The following TXNDC5 variants were observed in gnomAD, a reference collection of about 807,000 sequenced individuals.
TXNDC5 encodes the protein thioredoxin domain-containing protein 5.
A neutral mutation model predicts 52.6 loss-of-function variants in TXNDC5; 44 were observed. That is an observed-to-expected ratio of 0.84 (90% CI 0.66 to 1.08). The LOEUF (loss-of-function observed/expected upper bound fraction) is 1.08. TXNDC5 is among the 50% of genes least tolerant of loss of function. TXNDC5 has a pLI of 0.00. For synonymous variants in TXNDC5, 241 were observed against 234.4 expected (o/e 1.03, Z -0.26); for missense variants, 600 against 565.5 (o/e 1.06, Z -0.62).
chr6:7,910,197 A>G, intron 1 of TXNDC5: 1 of 960,464 alleles, frequency 1.0e-6, no homozygotes, highest in Non-Finnish European at 1.2e-6. Context: ...CGCTGAGCTC[A>G]CGCCTCCCGA....
intron 3 of TXNDC5, among the ~76,000 whole-genome samples, chr6:7,895,800 A>G (rs1003902488): frequency 6.6e-6 from 1 of 152,108 alleles, no homozygotes; most frequent in Non-Finnish European, 1.5e-5. Flanking sequence ...AGACCAGCCT[A>G]GGCAACAGAG....
chr6:7,910,582 C>G lies in TXNDC5; in HGVS notation c.195G>C (p.Leu65=). 7.0e-7 allele frequency: 1 copy of G among 1,432,024 alleles called. No homozygotes were observed. The highest frequency in any genetic ancestry group is 9.3e-7 in the Non-Finnish European group (1 of 1,079,542). The allele number at this position is 1,432,024 out of a possible 1,614,324, so 88.7% of individuals were successfully genotyped here. Residue 65 remains leucine (L), a synonymous_variant, in exon 1 of 10, where the codon CTG becomes CTC. Coordinates refer to ENST00000379757, the MANE Select transcript of TXNDC5 (RefSeq NM_030810.5). ...CGTGCGTGAACATGTCGGCCGTGTA[C>G]AGGTGCTTGCTGTGCGGGTCCTGTC... ...EDGQDPHSKH[L]YTADMFTHGI... is the part of the protein sequence containing the mutation.
chr6:7,910,215 C>A (rs1403729654), intron 1 of TXNDC5: 6 of 927,070 alleles, frequency 6.5e-6, no homozygotes, highest in Non-Finnish European at 6.5e-6. Context: ...CGACCCGGAG[C>A]CCCAAGCCCT....
At chr6:7,903,952 T>C (rs1581328101) in intron 2 of TXNDC5, among the ~76,000 whole-genome samples, 1 of 152,180 alleles carries the variant, frequency 6.6e-6, no homozygotes, top group Non-Finnish European at 1.5e-5. Flanking sequence ...GATACAGGCC[T>C]GGAAAGCCGT....
Position 7,884,465 on chromosome 6 carries a change from G to T in TXNDC5, c.1070C>A (p.Ala357Asp). The T allele has an allele frequency of 6.2e-7, 1 of 1,614,078 alleles. No homozygotes were observed. Among genetic ancestry groups the T allele is most frequent in the Non-Finnish European group, 8.5e-7 (1 of 1,179,982 alleles). Residue 357 changes from alanine to aspartate, a missense_variant, in exon 9 of 10, where the codon GCT (alanine) becomes GAT (aspartate). By Grantham distance (126) the Ala-to-Asp change is moderately radical. Coordinates refer to ENST00000379757, the MANE Select transcript of TXNDC5 (RefSeq NM_030810.5). ...TTTAGAGAGTTCCTCCCAAGTAGGA[G>T]CCAGAGTCTTACAATGACCACACCT... ...APWCGHCKTL[A>D]PTWEELSKKE...
At chr6:7,905,035 C>T (rs1254896416) in intron 1 of TXNDC5, among the ~76,000 whole-genome samples, 2 of 152,226 alleles carry the variant, frequency 1.3e-5, no homozygotes, top group African/African-American at 4.8e-5. Context: ...ACCCTCCTTC[C>T]CTTGTGGCCT....
At chr6:7,898,468 G>A (rs1760449822) in intron 3 of TXNDC5, among the ~76,000 whole-genome samples, 1 of 152,176 alleles carries the variant, frequency 6.6e-6, no homozygotes, top group Admixed American at 6.5e-5. Flanking sequence ...CAGACACACT[G>A]GAAACTGGCA....
At chr6:7,904,926 T>C (rs547716327) in intron 1 of TXNDC5, among the ~76,000 whole-genome samples, 2 of 152,332 alleles carry the variant, frequency 1.3e-5, no homozygotes, top group Non-Finnish European at 2.9e-5. Flanking sequence ...CAGCATGAAA[T>C]CTTGGCCTTG....
intron 4 of TXNDC5, 169 bp downstream of exon 4, chr6:7,894,937 T>A: frequency 3.0e-6 from 3 of 985,250 alleles, no homozygotes; most frequent in Non-Finnish European, 2.4e-6. Context: ...GAACTCATGT[T>A]TTAGAGGAGG....
chr6:7,909,753 T>A (rs1760852083), intron 1 of TXNDC5: 1 of 985,496 alleles, frequency 1.0e-6, no homozygotes, highest in Non-Finnish European at 1.2e-6. Flanking sequence ...TCAGCAACCC[T>A]CCTCTGCCCG....
At position 7,888,672 on chromosome 6, in the gene TXNDC5, C is replaced by T. The variant is rs1429516929; in HGVS notation, c.963+33G>A. On this transcript the variant is annotated intron_variant, in intron 7 of 9. Transcript: ENST00000379757. ...GTGGGGGGCCGGGGGCCACGGGCCA[C>T]TTATGGGGATCCCGACTCCAGCAGG... is the stretch of plus-strand genomic sequence containing the variant. 2.5e-6 allele frequency: 4 copies of T among 1,590,432 alleles called. No homozygotes were observed. The African/African-American group carries it at 4.0e-5, about 16-fold the overall frequency.
chr6:7,907,896 C>T (rs1760788014), intron 1 of TXNDC5, among the ~76,000 whole-genome samples: 1 of 152,202 alleles, frequency 6.6e-6, no homozygotes, highest in South Asian at 2.1e-4. Flanking sequence ...GCAGTATCTG[C>T]AGTTTTCTGA....
rs755878207 is a variant in TXNDC5, at chr6:7,904,590, C to T, written c.397G>A (p.Val133Met). 1.2e-6 allele frequency: 2 copies of T among 1,614,170 alleles called. No homozygotes were observed. The highest frequency in any genetic ancestry group is 1.7e-6 in the Non-Finnish European group (2 of 1,180,006). The change falls in exon 2 of 10, where the codon GTG (valine) becomes ATG (methionine). Residue 133 changes from valine (V) to methionine (M), a missense_variant. Physicochemically the swap from Val to Met is conservative, Grantham distance 21. Transcript: ENST00000379757. ...CCAACTTACGTGGGGTATCCTCGCA[C>T]CCCCTGGGCGGAGCACACGTCGGAG... is the stretch of plus-strand genomic sequence containing the variant. ...AHSDVCSAQG[V>M]RGYPTLKLFK... is the part of the protein sequence containing the mutation.
At chr6:7,897,693 A>G (rs1760420369) in intron 3 of TXNDC5, among the ~76,000 whole-genome samples, 2 of 152,070 alleles carry the variant, frequency 1.3e-5, no homozygotes, top group Admixed American at 1.3e-4. Flanking sequence ...TGAGGCCGCC[A>G]CCTCCACTAA....
intron 1 of TXNDC5, 110 bp from the exon 2 acceptor site, chr6:7,904,833 C>T (rs1349441750): frequency 2.3e-6 from 3 of 1,326,914 alleles, no homozygotes; most frequent in Admixed American, 3.9e-5. Flanking sequence ...TTTCTTTACA[C>T]CATTGCAGAT....
intron 3 of TXNDC5, 73 bp from the exon 4 acceptor site, chr6:7,895,275 G>C (rs1581318483): frequency 7.0e-7 from 1 of 1,418,570 alleles, no homozygotes; most frequent in Non-Finnish European, 9.6e-7. Flanking sequence ...AGGTGACTGT[G>C]TCTGTGGGGA....
chr6:7,910,493 C>A (rs1398150505), intron 1 of TXNDC5, 21 bp downstream of exon 1: 2 of 1,423,224 alleles, frequency 1.4e-6, no homozygotes, highest in Non-Finnish European at 9.3e-7. Context: ...CGGGGCAGGG[C>A]GCCGGCCTGC....
chr6:7,894,959 A>G, intron 4 of TXNDC5, 147 bp downstream of exon 4: 2 of 1,431,116 alleles, frequency 1.4e-6, no homozygotes, highest in Non-Finnish European at 1.8e-6. Flanking sequence ...GCACTGAACA[A>G]CGGTCCCAAC....
In TXNDC5 at chr6:7,886,002, G is replaced by T; in HGVS notation, c.1005C>A (p.Thr335=). The change falls in exon 8 of 10, where the codon ACC becomes ACA. Residue 335 remains threonine, a synonymous_variant. Coordinates refer to ENST00000379757, the MANE Select transcript of TXNDC5 (RefSeq NM_030810.5). ...LALTENNFDD[T]IAEGITFIKF... Reference sequence around the variant, plus strand: ...TGATGAAGGTTATTCCTTCTGCAATGGTGTCATCGAAGTTATTTTCAGTGA... The same window carrying T: ...TGATGAAGGTTATTCCTTCTGCAATTGTGTCATCGAAGTTATTTTCAGTGA... 1 of 1,614,136 alleles carries T rather than the reference G, an allele frequency of 6.2e-7. No individual in the cohort carries two copies. Among genetic ancestry groups the T allele is most frequent in the East Asian group, 2.2e-5 (1 of 44,882 alleles).
Sources: allele counts gnomAD v4.1 joint callset (sites outside exome capture counted in the v4.1 genomes callset), GRCh38; gene constraint gnomAD v4.1.1; transcripts MANE v1.5; gene names NCBI Gene and HGNC (gene_info 2026-07-23, HGNC 2026-07-21).